The following AGT variants were observed in gnomAD, a reference collection of about 807,000 sequenced individuals.
AGT encodes the protein alpha-1 antiproteinase, antitrypsin.
AGT carries 26 observed loss-of-function variants against 28.1 expected under a neutral mutation model. The ratio of observed to expected loss-of-function variants is 0.92; its 90% CI spans 0.68 to 1.28. AGT has a LOEUF of 1.28. Ranked by LOEUF, AGT falls within the 50% of genes most tolerant of loss-of-function variation. The pLI, the probability that AGT is intolerant of heterozygous loss-of-function variation, is 0.00. For missense variants in AGT, 596 were observed against 592.3 expected (o/e 1.01, Z -0.06); for synonymous variants, 259 against 259.6 (o/e 1.00, Z 0.02).
chr1:230,733,853 C>T (rs961711025), intron 1 of AGT, among the ~76,000 whole-genome samples: 5 of 152,040 alleles, frequency 3.3e-5, no homozygotes, highest in African/African-American at 9.7e-5. Context: ...GCCACTTCCA[C>T]GTGGCTGTCT....
intron 1 of AGT, among the ~76,000 whole-genome samples, chr1:230,741,447 AC>A (rs1223675713): frequency 6.6e-6 from 1 of 152,236 alleles, no homozygotes; most frequent in African/African-American, 2.4e-5. Flanking sequence ...GACTGGCATC[AC>A]CCTGTGGAGC....
chr1:230,744,581 A>T (rs561949271), intron 1 of AGT, among the ~76,000 whole-genome samples: 1 of 152,302 alleles, frequency 6.6e-6, no homozygotes, highest in Non-Finnish European at 1.5e-5. Flanking sequence ...GAGGATTGTT[A>T]AACCTTTTTG....
At position 230,710,021 on chromosome 1, in the gene AGT, G is replaced by T; in HGVS notation, c.803C>A (p.Ala268Asp). 6.2e-7 allele frequency: 1 copy of T among 1,614,214 alleles called. No individual in the cohort carries two copies. Among genetic ancestry groups the T allele is most frequent in the Non-Finnish European group, 8.5e-7 (1 of 1,180,052 alleles). Reference sequence around the variant, plus strand: ...TTGGAAGTGGACGTAGGTGTTGAAAGCCAGGGTGCTGTCCACACTGGCTCC... The same window carrying T: ...TTGGAAGTGGACGTAGGTGTTGAAATCCAGGGTGCTGTCCACACTGGCTCC... ...LMGASVDSTL[A>D]FNTYVHFQGK... Residue 268 changes from alanine (A) to aspartate (D), a missense_variant, in exon 2 of 5, where the codon GCT becomes GAT. By Grantham distance (126) the Ala-to-Asp change is moderately radical. Transcript: ENST00000366667.
chr1:230,722,831 T>A (rs1187256156), intron 1 of AGT, among the ~76,000 whole-genome samples: 1 of 152,206 alleles, frequency 6.6e-6, no homozygotes, highest in African/African-American at 2.4e-5. Context: ...CAGATGAGAC[T>A]TTGGACTTGG....
At chr1:230,719,623 G>A (rs1214876076) in intron 1 of AGT, among the ~76,000 whole-genome samples, 2 of 151,950 alleles carry the variant, frequency 1.3e-5, no homozygotes, top group African/African-American at 4.8e-5. Context: ...TAGCCAGGGT[G>A]GTCTCGATCT....
chr1:230,705,675 G>A (rs1663362262), intron 3 of AGT, among the ~76,000 whole-genome samples: 1 of 152,256 alleles, frequency 6.6e-6, no homozygotes, highest in African/African-American at 2.4e-5. Context: ...GCAAGTGTAA[G>A]TGTAGAAAAA....
chr1:230,724,189 A>G (rs1232946878), intron 1 of AGT, among the ~76,000 whole-genome samples: 1 of 152,226 alleles, frequency 6.6e-6, no homozygotes, highest in Non-Finnish European at 1.5e-5. Flanking sequence ...CAGAGAACAT[A>G]TGAACTGCAA....
intron 2 of AGT, among the ~76,000 whole-genome samples, chr1:230,707,612 A>G (rs867234828): frequency 1.3e-5 from 2 of 152,134 alleles, no homozygotes; most frequent in African/African-American, 4.8e-5. Flanking sequence ...GTGAGCGGGA[A>G]ACTGCAGGGT....
intron 1 of AGT, among the ~76,000 whole-genome samples, chr1:230,741,488 G>A (rs1664247981): frequency 6.6e-6 from 1 of 152,246 alleles, no homozygotes; most frequent in African/African-American, 2.4e-5. Flanking sequence ...TGGGCTGGGT[G>A]CTCTGTTGCC....
chr1:230,703,106 G>A lies in AGT; in HGVS notation c.*35C>T. ...CTTTGCCTCAAAGGCCAGGGGCAGA[G>A]GCCTTGCCAGGCACTGTGTTCTGGG... On this transcript the variant is annotated 3_prime_UTR_variant, in exon 5 of 5. Coordinates refer to ENST00000366667, the MANE Select transcript of AGT (RefSeq NM_001384479.1). 9.3e-6 allele frequency: 15 copies of A among 1,608,882 alleles called. No homozygotes were observed. The highest frequency in any genetic ancestry group is 1.3e-5 in the Non-Finnish European group (15 of 1,176,918).
chr1:230,724,928 G>A (rs540981416), intron 1 of AGT, among the ~76,000 whole-genome samples: 1 of 152,242 alleles, frequency 6.6e-6, no homozygotes, highest in South Asian at 2.1e-4. Context: ...AAAACAAAAG[G>A]AAACTTTGGA....
chr1:230,722,650 T>G (rs1412321517), intron 1 of AGT, among the ~76,000 whole-genome samples: 3 of 152,262 alleles, frequency 2.0e-5, no homozygotes, highest in Non-Finnish European at 4.4e-5. Context: ...GCAATCATTT[T>G]GGAGCTTTAA....
In AGT at chr1:230,703,051, A is replaced by T; in HGVS notation, c.*90T>A. 1.4e-6 allele frequency: 2 copies of T among 1,444,166 alleles called. No homozygotes were observed. Among genetic ancestry groups the T allele is most frequent in the Non-Finnish European group, 9.6e-7 (1 of 1,047,060 alleles). The allele number at this position is 1,444,166 out of a possible 1,614,324, so 89.5% of individuals were successfully genotyped here. A position where few individuals can be genotyped will look rare whatever the true frequency, so the allele number is the denominator to read the frequency against. ...GGAGACTGGGGGTGACACATCGCTG[A>T]TTTGTCCGGGGTTGTTATCTGCTGC... On this transcript the variant is annotated 3_prime_UTR_variant, in exon 5 of 5. Coordinates refer to ENST00000366667, the MANE Select transcript of AGT (RefSeq NM_001384479.1).
chr1:230,736,210 A>G (rs1341802986), intron 1 of AGT, among the ~76,000 whole-genome samples: 1 of 151,766 alleles, frequency 6.6e-6, no homozygotes, highest in Non-Finnish European at 1.5e-5. Context: ...TTGACCCCTT[A>G]TCATTTTGAT....
At position 230,702,994 on chromosome 1, in the gene AGT, A is replaced by C; in HGVS notation, c.*147T>G. On this transcript the variant is annotated 3_prime_UTR_variant, in exon 5 of 5. Transcript: ENST00000366667. ...GACCAAGGAGAAACGGCTGCTTTCC[A>C]GCTCAAAGTCGACTCATTAGAAGAA... 1.1e-6 allele frequency: 1 copy of C among 895,862 alleles called. No homozygotes were observed. Among genetic ancestry groups the C allele is most frequent in the Non-Finnish European group, 1.7e-6 (1 of 598,376 alleles). The allele number at this position is 895,862 out of a possible 1,614,324, so 55.5% of individuals were successfully genotyped here. A position where few individuals can be genotyped will look rare whatever the true frequency, so the allele number is the denominator to read the frequency against.
chr1:230,710,721 C>T lies in AGT; in HGVS notation c.103G>A (p.Val35Ile), dbSNP rs146773738. 1.4e-5 allele frequency: 22 copies of T among 1,613,954 alleles called. No individual in the cohort carries two copies. In the African/African-American group the frequency reaches 2.1e-4, roughly 16 times the overall value. ...TCACAGGTACTCTCATTGTGGATGACGAGGTGGAAGGGGTGTATGTACACC... is the reference window on the plus strand; with the variant it reads ...TCACAGGTACTCTCATTGTGGATGATGAGGTGGAAGGGGTGTATGTACACC... ...DRVYIHPFHL[V>I]IHNESTCEQL... Residue 35 changes from valine (V) to isoleucine (I), a missense_variant, in exon 2 of 5, where the codon GTC (valine) becomes ATC (isoleucine). Coordinates refer to ENST00000366667, the MANE Select transcript of AGT (RefSeq NM_001384479.1).
chr1:230,706,333 C>A (rs1263541270), intron 2 of AGT, 133 bp from the exon 3 acceptor site: 3 of 990,782 alleles, frequency 3.0e-6, no homozygotes, highest in Non-Finnish European at 2.9e-6. Context: ...CCCCCCAGGC[C>A]ACTCTGCATT....
At position 230,740,826 on chromosome 1, in the gene AGT, G is replaced by T. The variant is rs74413700; in HGVS notation, c.-31+4689C>A. On this transcript the variant is annotated intron_variant, in intron 1 of 4. Coordinates refer to the AGT transcript ENST00000681269. ...TAGCTGGATGTGGTGGCACACGCCTGTAGTCCTAGCTACTTGGGAGGCTGA... is the reference window on the plus strand; with the variant it reads ...TAGCTGGATGTGGTGGCACACGCCTTTAGTCCTAGCTACTTGGGAGGCTGA... Among the ~76,000 whole-genome samples the T allele has an allele frequency of 3.0e-4, 46 of 152,312 alleles. No individual in the cohort carries two copies. The East Asian group carries it at 7.0e-3, about 23-fold the overall frequency.
chr1:230,741,113 T>C (rs982664874), intron 1 of AGT, among the ~76,000 whole-genome samples: 11 of 152,074 alleles, frequency 7.2e-5, no homozygotes, highest in African/African-American at 2.7e-4. Context: ...GGGAAAGAAA[T>C]CCCAGAGAGT....
Sources: gnomAD v4.1 joint callset for allele counts (sites outside exome capture counted in the v4.1 genomes callset) on GRCh38, gnomAD v4.1.1 for gene constraint, MANE v1.5 for transcripts, NCBI Gene and HGNC (gene_info 2026-07-23, HGNC 2026-07-21) for gene names.